Variants in CUX2 observed in about 807,000 individuals in gnomAD.
CUX2 encodes homeobox protein cut-like 2.
In CUX2, 40 loss-of-function variants were observed where a neutral mutation model predicts 144.8. The observed-to-expected ratio is 0.28, with a 90% confidence interval of 0.21 to 0.36. CUX2 has a LOEUF of 0.36. Among genes scored for constraint, CUX2 ranks in the 10% least tolerant of loss-of-function variants. The pLI is 1.00. For synonymous variants in CUX2, 827 were observed against 875.6 expected (o/e 0.94, Z 0.98); for missense variants, 1,615 against 1,994.0 (o/e 0.81, Z 3.62).
intron 3 of CUX2, among the ~76,000 whole-genome samples, chr12:111,243,522 G>A (rs1215565209): frequency 1.7e-4 from 2 of 11,512 alleles, no homozygotes; most frequent in East Asian, 2.8e-3. Context: ...TTTTTTTTTT[G>A]AGACAGGGTC....
In CUX2 at chr12:111,346,850, A is replaced by G. The variant is rs150184665; in HGVS notation, c.3660-674A>G. Among the ~76,000 whole-genome samples, 1,055 of 152,236 alleles carry G rather than the reference A, an allele frequency of 6.9e-3. 11 individuals carry two copies. The highest frequency in any genetic ancestry group is 0.024 in the African/African-American group (1,016 of 41,558). On this transcript the variant is annotated intron_variant, in intron 21 of 21. Transcript: ENST00000261726. The stretch of plus-strand genomic sequence containing the variant: ...AACATAGCAAAACACTGTCTCTACT[A>G]AAAATACAAAAATTAGCCAGGCATT...
chr12:111,195,519 C>A (rs997379172), intron 1 of CUX2, among the ~76,000 whole-genome samples: 1 of 152,242 alleles, frequency 6.6e-6, no homozygotes, highest in African/African-American at 2.4e-5. Context: ...TTGGTTCTTG[C>A]AAGCTTCTGC....
intron 1 of CUX2, among the ~76,000 whole-genome samples, chr12:111,089,571 T>C (rs16941235): frequency 0.049 from 7,472 of 152,240 alleles, 591 homozygotes; most frequent in African/African-American, 0.17. Context: ...CTGTTGGTTT[T>C]CTGAGCAGGG....
chr12:111,179,427 G>A (rs559991596), intron 1 of CUX2, among the ~76,000 whole-genome samples: 1 of 152,320 alleles, frequency 6.6e-6, no homozygotes, highest in East Asian at 1.9e-4. Context: ...CTGTTTACTA[G>A]CTGTGTGACC....
intron 3 of CUX2, among the ~76,000 whole-genome samples, chr12:111,227,676 G>C (rs1210269100): frequency 6.6e-6 from 1 of 152,106 alleles, no homozygotes; most frequent in Non-Finnish European, 1.5e-5. Context: ...AACCAGCCAG[G>C]GCAGCCAGCT....
chr12:111,051,839 A>T (rs1250142451), intron 1 of CUX2, among the ~76,000 whole-genome samples: 3 of 151,516 alleles, frequency 2.0e-5, no homozygotes, highest in Admixed American at 1.3e-4. Context: ...TTGAGTGAAT[A>T]TTCTCTAATG....
intron 1 of CUX2, among the ~76,000 whole-genome samples, chr12:111,192,663 C>T (rs1879969909): frequency 6.6e-6 from 1 of 152,166 alleles, no homozygotes; most frequent in African/African-American, 2.4e-5. Context: ...CAGAGAAGGA[C>T]CCAAAAAGTC....
chr12:111,119,863 G>C (rs1270325924), intron 1 of CUX2, among the ~76,000 whole-genome samples: 2 of 152,212 alleles, frequency 1.3e-5, no homozygotes, highest in East Asian at 3.9e-4. Flanking sequence ...TTCGAGACCA[G>C]CCTGGCCAAC....
At position 111,320,423 on chromosome 12, in the gene CUX2, C is replaced by T; in HGVS notation, c.2414C>T (p.Pro805Leu). Residue 805 changes from proline to leucine, a missense_variant, in exon 17 of 22, where the codon CCC becomes CTC. Coordinates refer to ENST00000261726, the MANE Select transcript of CUX2 (RefSeq NM_015267.4). The surrounding 1 kb of genome is among the most constrained non-coding windows in gnomAD (Gnocchi z 8.1). ...AGCCGCCCCTACGCCTCCGTGTCGC[C>T]CTCGCTGTCCTCCTCCTCCTCCTCT... ...LLSRPYASVSPSLSSSSSSGY... is the reference protein window; with the variant it reads ...LLSRPYASVSLSLSSSSSSGY... The T allele has an allele frequency of 6.3e-7, 1 of 1,597,542 alleles. No homozygotes were observed. Among genetic ancestry groups the T allele is most frequent in the Non-Finnish European group, 8.5e-7 (1 of 1,178,866 alleles).
intron 1 of CUX2, among the ~76,000 whole-genome samples, chr12:111,066,396 T>C (rs1450999383): frequency 6.6e-6 from 1 of 152,220 alleles, no homozygotes. Flanking sequence ...TAGTTTCTCC[T>C]TTAGAATTCT....
At chr12:111,239,440 C>A (rs1882915176) in intron 3 of CUX2, among the ~76,000 whole-genome samples, 1 of 152,132 alleles carries the variant, frequency 6.6e-6, no homozygotes, top group East Asian at 1.9e-4. Context: ...GAAGTCGCAG[C>A]CCAGTTGCGT....
intron 1 of CUX2, among the ~76,000 whole-genome samples, chr12:111,166,428 A>T (rs1878148099): frequency 6.6e-6 from 1 of 152,232 alleles, no homozygotes; most frequent in Non-Finnish European, 1.5e-5. Context: ...TGAGTAGACG[A>T]CATACCGTAG....
chr12:111,340,050 G>T (rs1460239720), intron 20 of CUX2, among the ~76,000 whole-genome samples: 1 of 152,122 alleles, frequency 6.6e-6, no homozygotes, highest in Non-Finnish European at 1.5e-5. Context: ...ACAAAAATTA[G>T]CTGGGCATGG....
intron 3 of CUX2, among the ~76,000 whole-genome samples, chr12:111,223,411 TCTGC>T (rs1291398288): frequency 6.6e-6 from 1 of 152,124 alleles, no homozygotes; most frequent in Non-Finnish European, 1.5e-5. Flanking sequence ...CCCATGCACA[TCTGC>T]CGTGTGTCCC....
chr12:111,171,540 C>T lies in CUX2; in HGVS notation c.64-42660C>T, dbSNP rs897043586. 2.0e-5 allele frequency among the ~76,000 whole-genome samples: 3 copies of T among 152,174 alleles called. No individual in the cohort carries two copies. Among genetic ancestry groups the T allele is most frequent in the Non-Finnish European group, 2.9e-5 (2 of 68,036 alleles). ...GAAACCCCGGTCCCGTGTCCCTGTG[C>T]ACGCAGATGGCTAGTGGCTCAGTGG... On this transcript the variant is annotated intron_variant, in intron 1 of 21. Coordinates refer to ENST00000261726, the MANE Select transcript of CUX2 (RefSeq NM_015267.4). This position sits in a 1 kb window ranked among gnomAD's most constrained non-coding sequence, Gnocchi z 5.0.
chr12:111,314,660 A>C (rs1331437919), intron 16 of CUX2, among the ~76,000 whole-genome samples: 3 of 85,950 alleles, frequency 3.5e-5, no homozygotes, highest in Non-Finnish European at 6.7e-5. Flanking sequence ...AAAAAAAAAA[A>C]AAAAAAAACC....
rs149962009 is a variant in CUX2 at position 111,119,351 on chromosome 12, C to G, written c.63+85111C>G. Among the ~76,000 whole-genome samples the G allele has an allele frequency of 5.5e-3, 835 of 152,202 alleles. 6 individuals are homozygous for G. The highest frequency in any genetic ancestry group is 0.019 in the African/African-American group (794 of 41,516). ...GGCATGGTGGCTCATTACCTGTAAT[C>G]CCAACACTTTGGTAGGCTGAGGTGG... On this transcript the variant is annotated intron_variant, in intron 1 of 21. Transcript: ENST00000261726.
At chr12:111,326,716 C>T (rs1386407549) in intron 18 of CUX2, among the ~76,000 whole-genome samples, 5 of 152,028 alleles carry the variant, frequency 3.3e-5, no homozygotes, top group Non-Finnish European at 7.4e-5. Context: ...CCAGCCTGGC[C>T]AACATGGAGA....
intron 14 of CUX2, among the ~76,000 whole-genome samples, chr12:111,308,742 TC>T (rs1565907404): frequency 2.0e-5 from 3 of 152,256 alleles, no homozygotes; most frequent in East Asian, 3.9e-4. Context: ...TTTGGGCCCT[TC>T]CAAGGCCCCC....
Sources: gnomAD v4.1 joint callset for allele counts (sites outside exome capture counted in the v4.1 genomes callset) on GRCh38, gnomAD v4.1.1 for gene constraint, Gnocchi (gnomAD v3.1) non-coding constraint, MANE v1.5 for transcripts, NCBI Gene and HGNC (gene_info 2026-07-23, HGNC 2026-07-21) for gene names.